The following GSTCD variants were observed in gnomAD, a reference collection of about 807,000 sequenced individuals.
GSTCD encodes glutathione S-transferase C-terminal domain-containing protein.
GSTCD carries 44 observed loss-of-function variants against 68.3 expected under a neutral mutation model. That is an observed-to-expected ratio of 0.64 (90% confidence interval 0.51 to 0.83). GSTCD has a LOEUF of 0.83. Among genes scored for constraint, GSTCD ranks in the 40% least tolerant of loss-of-function variants. The probability of loss-of-function intolerance (pLI) is 0.00; values close to 1 mark genes in which losing one functional copy is unlikely to be tolerated. For synonymous variants in GSTCD, 273 were observed against 255.2 expected, an observed-to-expected ratio of 1.07 and a Z score of -0.67; for missense variants, 739 against 735.9, an observed-to-expected ratio of 1.00 and a Z score of -0.05.
At chr4:105,745,366 T>A (rs1199034967) in intron 5 of GSTCD, among the ~76,000 whole-genome samples, 1 of 152,220 alleles carries the variant, frequency 6.6e-6, no homozygotes, top group Non-Finnish European at 1.5e-5. Flanking sequence ...TTAATCATGT[T>A]ACGTAACAAA....
intron 5 of GSTCD, among the ~76,000 whole-genome samples, chr4:105,772,325 C>T (rs560188563): frequency 6.6e-6 from 1 of 152,294 alleles, no homozygotes; most frequent in South Asian, 2.1e-4. Context: ...ATTTGACTTC[C>T]TCTCTTCCTA....
chr4:105,763,627 C>G (rs935389894), intron 5 of GSTCD, among the ~76,000 whole-genome samples: 1 of 152,122 alleles, frequency 6.6e-6, no homozygotes, highest in Non-Finnish European at 1.5e-5. Flanking sequence ...TAATGTTTTA[C>G]TATATCATGT....
At chr4:105,735,752 C>T (rs540839592) in intron 5 of GSTCD, among the ~76,000 whole-genome samples, 12 of 152,122 alleles carry the variant, frequency 7.9e-5, no homozygotes, top group Non-Finnish European at 1.3e-4. Flanking sequence ...GAAATCACTC[C>T]GTGTGATTTC....
At chr4:105,798,058 G>A (rs1735971855) in intron 5 of GSTCD, among the ~76,000 whole-genome samples, 1 of 152,078 alleles carries the variant, frequency 6.6e-6, no homozygotes, top group Admixed American at 6.6e-5. Flanking sequence ...TGTTTATATA[G>A]TGTTCTAAGT....
intron 5 of GSTCD, among the ~76,000 whole-genome samples, chr4:105,816,276 A>G (rs762240810): frequency 1.5e-4 from 23 of 152,136 alleles, no homozygotes; most frequent in Non-Finnish European, 2.9e-5. Context: ...AACATGAAAG[A>G]TCTTCCCAAT....
At chr4:105,762,559 C>T (rs1348638177) in intron 5 of GSTCD, among the ~76,000 whole-genome samples, 3 of 152,108 alleles carry the variant, frequency 2.0e-5, no homozygotes, top group East Asian at 3.8e-4. Context: ...TTTTTCCAAA[C>T]GGCAGATTGG....
At chr4:105,845,405 A>G in intron 11 of GSTCD, 36 bp from the exon 12 acceptor site, 6 of 1,612,832 alleles carry the variant, frequency 3.7e-6, no homozygotes, top group Non-Finnish European at 5.1e-6. Flanking sequence ...CTGCTAGTGA[A>G]AGGGTGTCTC....
intron 5 of GSTCD, among the ~76,000 whole-genome samples, chr4:105,799,043 G>C (rs1736006520): frequency 6.6e-6 from 1 of 152,130 alleles, no homozygotes; most frequent in South Asian, 2.1e-4. Flanking sequence ...TTCAGCACTT[G>C]CTGTTTCATC....
intron 5 of GSTCD, among the ~76,000 whole-genome samples, chr4:105,818,361 AAAGTTTT>A (rs796754074): frequency 2.0e-5 from 3 of 151,994 alleles, no homozygotes; most frequent in African/African-American, 7.2e-5. Flanking sequence ...TGGGATTCCT[AAAGTTTT>A]AAAGCAAGGA....
At chr4:105,733,014 T>C (rs1733309706) in intron 5 of GSTCD, among the ~76,000 whole-genome samples, 1 of 152,248 alleles carries the variant, frequency 6.6e-6, no homozygotes, top group South Asian at 2.1e-4. Context: ...ATGAGTTTCT[T>C]AATGCTGAGT....
intron 5 of GSTCD, among the ~76,000 whole-genome samples, chr4:105,743,172 G>C (rs779770839): frequency 2.7e-4 from 41 of 151,958 alleles, no homozygotes; most frequent in East Asian, 5.8e-4. Flanking sequence ...GGATGGTCTC[G>C]ATCTCCTGAC....
At chr4:105,735,663 A>C (rs977131180) in intron 5 of GSTCD, among the ~76,000 whole-genome samples, 1 of 151,978 alleles carries the variant, frequency 6.6e-6, no homozygotes, top group African/African-American at 2.4e-5. Context: ...CTCACACTCA[A>C]TGGGCAGCAC....
chr4:105,804,664 A>C (rs1169610827), intron 5 of GSTCD, among the ~76,000 whole-genome samples: 1 of 152,090 alleles, frequency 6.6e-6, no homozygotes, highest in African/African-American at 2.4e-5. Context: ...TTTAAGTTCA[A>C]GGGTACATGT....
At chr4:105,772,374 C>T (rs1422174579) in intron 5 of GSTCD, among the ~76,000 whole-genome samples, 1 of 152,134 alleles carries the variant, frequency 6.6e-6, no homozygotes, top group Non-Finnish European at 1.5e-5. Context: ...GCCTGATTGC[C>T]CTGACCAGAA....
intron 11 of GSTCD, among the ~76,000 whole-genome samples, 164 bp downstream of exon 11, chr4:105,842,298 A>G (rs542894343): frequency 1.9e-4 from 29 of 152,348 alleles, no homozygotes; most frequent in African/African-American, 6.3e-4. Flanking sequence ...TGAAAAGGGT[A>G]TTGTAACTAT....
intron 7 of GSTCD, 88 bp downstream of exon 7, chr4:105,823,363 C>G: frequency 9.2e-7 from 1 of 1,083,444 alleles, no homozygotes; most frequent in Non-Finnish European, 1.4e-6. Context: ...CTTGGAGTTT[C>G]TAGTCACTCA....
intron 5 of GSTCD, among the ~76,000 whole-genome samples, chr4:105,774,064 G>A (rs1299009646): frequency 6.6e-6 from 1 of 152,046 alleles, no homozygotes; most frequent in Non-Finnish European, 1.5e-5. Context: ...TATATATTTA[G>A]GATAGTTAGC....
In GSTCD at chr4:105,768,048, T is replaced by A. The variant is rs543713981; in HGVS notation, c.1240+38549T>A. ...TAGTGTAAAAAAAAAATTTTTTTTT[T>A]TTTTTGAGACGGAGTCTCTCCCTGT... is the stretch of plus-strand genomic sequence containing the variant. On this transcript the variant is annotated intron_variant, in intron 5 of 11. Coordinates refer to ENST00000515279, the MANE Select transcript of GSTCD (RefSeq NM_001370181.1). Among the ~76,000 whole-genome samples, 4 of 151,908 alleles carry A rather than the reference T, an allele frequency of 2.6e-5. No individual in the cohort carries two copies. In the South Asian group the frequency reaches 8.3e-4, roughly 32 times the overall value.
intron 5 of GSTCD, among the ~76,000 whole-genome samples, chr4:105,818,000 T>A (rs1306109790): frequency 6.6e-6 from 1 of 151,920 alleles, no homozygotes; most frequent in Non-Finnish European, 1.5e-5. Flanking sequence ...CATTAAACTT[T>A]TATTGAGAAC....
Sources: gnomAD v4.1 joint callset for allele counts (sites outside exome capture counted in the v4.1 genomes callset) on GRCh38, gnomAD v4.1.1 for gene constraint, MANE v1.5 for transcripts, NCBI Gene and HGNC (gene_info 2026-07-23, HGNC 2026-07-21) for gene names.